Variants in DSE observed in about 807,000 individuals in gnomAD.
DSE encodes the protein dermatan-sulfate epimerase.
Under a neutral mutation model 84.4 loss-of-function variants are expected in DSE, and 36 were observed. That is an observed-to-expected ratio of 0.43 (90% CI 0.33 to 0.56). The LOEUF is 0.56. Ranked by LOEUF, DSE falls within the 20% of genes least tolerant of loss-of-function variation. The pLI, the probability that DSE is intolerant of heterozygous loss-of-function variation, is 0.06. For synonymous variants in DSE, 410 were observed against 430.1 expected (o/e 0.95, Z 0.58); for missense variants, 862 against 1,169.6 (o/e 0.74, Z 3.84).
At chr6:116,399,156 CCTTGG>C in intron 1 of DSE, 37 bp from the exon 2 acceptor site, 1 of 1,544,612 alleles carries the variant, frequency 6.5e-7, no homozygotes, top group Non-Finnish European at 8.8e-7. Flanking sequence ...TGCCATGTTC[CCTTGG>C]CTGACAGACA....
intron 2 of DSE, among the ~76,000 whole-genome samples, chr6:116,311,358 A>G (rs1775684138): frequency 6.6e-6 from 1 of 152,194 alleles, no homozygotes; most frequent in Non-Finnish European, 1.5e-5. Context: ...CTGTATCTCT[A>G]ATGCCCAGAA....
chr6:116,384,998 CTGAG>C (rs1780491431), intron 1 of DSE, among the ~76,000 whole-genome samples: 1 of 152,172 alleles, frequency 6.6e-6, no homozygotes, highest in Non-Finnish European at 1.5e-5. Context: ...GCAGACCTCA[CTGAG>C]AGAGTGACAT....
At chr6:116,409,857 C>T (rs1782196468) in intron 2 of DSE, among the ~76,000 whole-genome samples, 1 of 152,082 alleles carries the variant, frequency 6.6e-6, no homozygotes, top group African/African-American at 2.4e-5. Flanking sequence ...TAGGAACCAG[C>T]CACGTGAAGG....
chr6:116,287,905 A>G (rs1774026218), intron 2 of DSE, among the ~76,000 whole-genome samples: 1 of 152,122 alleles, frequency 6.6e-6, no homozygotes, highest in South Asian at 2.1e-4. Flanking sequence ...TAAGAAAGTG[A>G]TGTATCTAGT....
intron 2 of DSE, among the ~76,000 whole-genome samples, chr6:116,284,976 A>G (rs145159843): frequency 1.2e-4 from 19 of 152,192 alleles, no homozygotes; most frequent in African/African-American, 4.3e-4. Context: ...GCCGCAATAA[A>G]CATACATGTG....
At chr6:116,364,561 A>T (rs1779062461) in intron 2 of DSE, among the ~76,000 whole-genome samples, 1 of 152,232 alleles carries the variant, frequency 6.6e-6, no homozygotes, top group Non-Finnish European at 1.5e-5. Context: ...CACTATGTGT[A>T]ATACTCAGGC....
At chr6:116,354,911 T>C (rs1156898680) in intron 2 of DSE, among the ~76,000 whole-genome samples, 1 of 152,190 alleles carries the variant, frequency 6.6e-6, no homozygotes, top group Non-Finnish European at 1.5e-5. Context: ...TAATTGGCTT[T>C]TTAATGAAAT....
intron 2 of DSE, among the ~76,000 whole-genome samples, chr6:116,343,402 GCTGA>G (rs1308423456): frequency 1.3e-5 from 2 of 152,176 alleles, no homozygotes; most frequent in Non-Finnish European, 2.9e-5. Context: ...CACAGTAGTG[GCTGA>G]CTGACACCTC....
At chr6:116,376,417 C>T (rs180975329) in intron 1 of DSE, among the ~76,000 whole-genome samples, 6 of 152,260 alleles carry the variant, frequency 3.9e-5, no homozygotes, top group Non-Finnish European at 8.8e-5. Context: ...TATAAACCTG[C>T]TGGAGGAAAA....
intron 1 of DSE, among the ~76,000 whole-genome samples, chr6:116,381,821 G>A (rs935588946): frequency 6.6e-6 from 1 of 152,176 alleles, no homozygotes; most frequent in Non-Finnish European, 1.5e-5. Context: ...AAGTACTGCA[G>A]ACAAGGTGGC....
chr6:116,332,797 G>T lies in DSE; in HGVS notation c.-53-66401G>T, dbSNP rs553596193. Among the ~76,000 whole-genome samples the T allele has an allele frequency of 2.0e-5, 3 of 152,240 alleles. No individual in the cohort carries two copies. The South Asian group carries it at 6.2e-4, about 32-fold the overall frequency. ...AAAATATATTACATATGCAAGTCTT[G>T]TGCCTGGTATAAAGTACATCTACAA... On this transcript the variant is annotated intron_variant, in intron 2 of 3. Coordinates refer to the DSE transcript ENST00000430252.
chr6:116,386,977 C>G (rs78561536), intron 1 of DSE, among the ~76,000 whole-genome samples: 1 of 152,110 alleles, frequency 6.6e-6, no homozygotes, highest in Non-Finnish European at 1.5e-5. Flanking sequence ...TAAGGACATA[C>G]CAAAAATACA....
intron 2 of DSE, among the ~76,000 whole-genome samples, chr6:116,357,358 C>A (rs1354935556): frequency 1.3e-5 from 2 of 152,050 alleles, no homozygotes; most frequent in Non-Finnish European, 2.9e-5. Flanking sequence ...CGGTGAAACC[C>A]CGTCTCTACT....
At chr6:116,369,523 T>C (rs1450358127), upstream of DSE, among the ~76,000 whole-genome samples, 2 of 152,208 alleles carry the variant, frequency 1.3e-5, no homozygotes, top group Non-Finnish European at 2.9e-5. Flanking sequence ...ATTGTTACAC[T>C]ATAGATGAGG....
chr6:116,317,971 A>G (rs1452322018), intron 2 of DSE, among the ~76,000 whole-genome samples: 1 of 152,250 alleles, frequency 6.6e-6, no homozygotes, highest in Non-Finnish European at 1.5e-5. Flanking sequence ...GAAATTATAC[A>G]CAATCAGAAC....
intron 2 of DSE, among the ~76,000 whole-genome samples, chr6:116,354,106 T>C (rs2114859456): frequency 6.6e-6 from 1 of 152,318 alleles, no homozygotes; most frequent in Non-Finnish European, 1.5e-5. Flanking sequence ...TGAAATATAG[T>C]CTTTCTCTTA....
chr6:116,385,407 G>T (rs917413651), intron 1 of DSE, among the ~76,000 whole-genome samples: 6 of 152,148 alleles, frequency 3.9e-5, no homozygotes, highest in African/African-American at 1.4e-4. Context: ...GCTGTCGCAG[G>T]CAAGACATGG....
chr6:116,331,634 C>T (rs1464398776), intron 2 of DSE, among the ~76,000 whole-genome samples: 2 of 152,078 alleles, frequency 1.3e-5, no homozygotes, highest in African/African-American at 2.4e-5. Flanking sequence ...CACTGAAAGT[C>T]CTAATTAGTG....
chr6:116,405,410 C>A (rs979553056), intron 2 of DSE, among the ~76,000 whole-genome samples: 23 of 152,158 alleles, frequency 1.5e-4, no homozygotes, highest in African/African-American at 5.5e-4. Flanking sequence ...ACCTGGAATC[C>A]ATTAAAGTGG....
Sources: allele counts gnomAD v4.1 joint callset (sites outside exome capture counted in the v4.1 genomes callset), GRCh38; gene constraint gnomAD v4.1.1; transcripts MANE v1.5; gene names NCBI Gene and HGNC (gene_info 2026-07-23, HGNC 2026-07-21).